The following MND1 variants were observed in gnomAD, a reference collection of about 807,000 sequenced individuals.
MND1 encodes the protein meiotic nuclear division protein 1 homolog.
In MND1, 28 loss-of-function variants were observed where a neutral mutation model predicts 35.1. The observed-to-expected ratio is 0.80, with a 90% CI of 0.59 to 1.09. MND1 has a LOEUF of 1.09. MND1 is among the 50% of genes least tolerant of loss of function. The pLI is 0.00. For missense variants in MND1, 213 were observed against 239.6 expected (o/e 0.89, Z 0.73); for synonymous variants, 69 against 70.5 (o/e 0.98, Z 0.11).
At chr4:153,345,385 C>G (rs1310933669) in intron 1 of MND1, 1 of 985,426 alleles carries the variant, frequency 1.0e-6, no homozygotes, top group Non-Finnish European at 1.2e-6. Flanking sequence ...CGGTTTCTGC[C>G]AAAGGGCAGG....
At chr4:153,355,859 T>C (rs1349644236) in intron 3 of MND1, 148 bp downstream of exon 3, 1 of 601,366 alleles carries the variant, frequency 1.7e-6, no homozygotes, top group East Asian at 2.8e-5. Flanking sequence ...ATCATCACCA[T>C]CCAAAGATAA....
chr4:153,360,692 T>C (rs1773463585), intron 4 of MND1, among the ~76,000 whole-genome samples: 1 of 122,834 alleles, frequency 8.1e-6, no homozygotes, highest in African/African-American at 2.8e-5. Context: ...AAATAAATAC[T>C]ATAAATATTT....
In MND1 at chr4:153,390,889, A is replaced by ATATGTGTGTGTGTG. The variant is rs757236550; in HGVS notation, c.277-3372_277-3371insATGTGTGTGTGTGT. On this transcript the variant is annotated intron_variant, in intron 4 of 7. Transcript: ENST00000240488. ...CCGTCTCAAAAAAAAAGGTATATAT[A>ATATGTGTGTGTGTG]TGTGTGTGTGTGTGTGTGTGTGTGT... Among the ~76,000 whole-genome samples the ATATGTGTGTGTGTG allele has an allele frequency of 6.8e-3, 956 of 139,796 alleles. 4 individuals carry two copies. Among genetic ancestry groups the ATATGTGTGTGTGTG allele is most frequent in the African/African-American group, 0.016 (600 of 38,196 alleles). 91.7% of individuals were successfully genotyped at this position (139,796 alleles called of 152,430 possible).
intron 2 of MND1, among the ~76,000 whole-genome samples, chr4:153,353,440 TA>T (rs1170848607): frequency 7.7e-6 from 1 of 130,244 alleles, no homozygotes; most frequent in East Asian, 2.1e-4. Context: ...TATATATATA[TA>T]TATATATTCA....
chr4:153,405,197 A>G (rs528469027), intron 6 of MND1, among the ~76,000 whole-genome samples: 1 of 152,180 alleles, frequency 6.6e-6, no homozygotes, highest in Non-Finnish European at 1.5e-5. Flanking sequence ...CTTGAAAAAG[A>G]ACAAAGTTAC....
intron 1 of MND1, among the ~76,000 whole-genome samples, chr4:153,347,804 G>T (rs528261521): frequency 4.6e-5 from 7 of 152,122 alleles, no homozygotes; most frequent in Non-Finnish European, 1.0e-4. Context: ...AGCATTCTTC[G>T]AGTAGATAAT....
intron 4 of MND1, among the ~76,000 whole-genome samples, chr4:153,371,231 C>T (rs1283073957): frequency 6.6e-6 from 1 of 152,012 alleles, no homozygotes; most frequent in Admixed American, 6.5e-5. Flanking sequence ...TAGAATAATT[C>T]TTAAGGGCCC....
chr4:153,358,142 T>A (rs1275297868), intron 3 of MND1, among the ~76,000 whole-genome samples: 4 of 152,338 alleles, frequency 2.6e-5, no homozygotes, highest in South Asian at 2.1e-4. Flanking sequence ...ATAGATTTTT[T>A]AAATTAGGCA....
chr4:153,364,388 G>C (rs1773572495), intron 4 of MND1, among the ~76,000 whole-genome samples: 1 of 151,892 alleles, frequency 6.6e-6, no homozygotes, highest in Admixed American at 6.6e-5. Context: ...ATAGTGGCAG[G>C]CTCCTGTGGT....
chr4:153,355,710 T>A lies in MND1; in HGVS notation c.126T>A (p.Ile42=). Residue 42 remains isoleucine, a splice_region_variant and synonymous_variant, in exon 3 of 8, where the codon ATT becomes ATA. Transcript: ENST00000240488. ...LEKIAPKEKG[I]TAMSVKEVLQ... ...AGATTGCTCCCAAAGAGAAAGGCAT[T>A]AGTAAGTACCAAAGTTATACTGGAA... The A allele has an allele frequency of 6.4e-7, 1 of 1,557,972 alleles. No individual in the cohort carries two copies. The highest frequency in any genetic ancestry group is 8.8e-7 in the Non-Finnish European group (1 of 1,131,714).
At chr4:153,406,111 T>C (rs1477545671) in intron 6 of MND1, among the ~76,000 whole-genome samples, 1 of 152,228 alleles carries the variant, frequency 6.6e-6, no homozygotes, top group Non-Finnish European at 1.5e-5. Context: ...GATTTATATT[T>C]CTTTATCCTT....
intron 7 of MND1, among the ~76,000 whole-genome samples, chr4:153,411,547 G>A (rs1171440447): frequency 6.6e-6 from 1 of 152,050 alleles, no homozygotes; most frequent in East Asian, 1.9e-4. Flanking sequence ...AGGCATTGTT[G>A]TGGAGAGGTT....
At chr4:153,382,104 G>C (rs2086639423) in intron 4 of MND1, 1 of 151,942 alleles carries the variant, frequency 6.6e-6, no homozygotes, top group Admixed American at 6.6e-5. Flanking sequence ...TCAAGGGCAT[G>C]GTTTAAACAT....
At chr4:153,367,650 G>C (rs763101820) in intron 4 of MND1, among the ~76,000 whole-genome samples, 10 of 152,092 alleles carry the variant, frequency 6.6e-5, no homozygotes, top group Admixed American at 2.6e-4. Context: ...TCTAAACTTT[G>C]ATGTACAAGT....
intron 4 of MND1, among the ~76,000 whole-genome samples, chr4:153,367,296 C>G (rs1773661604): frequency 6.6e-6 from 1 of 152,130 alleles, no homozygotes; most frequent in Non-Finnish European, 1.5e-5. Flanking sequence ...AGCTATTATT[C>G]TGAATCTTCT....
In MND1 at chr4:153,364,278, G is replaced by A. The variant is rs747274534; in HGVS notation, c.276+5656G>A. On this transcript the variant is annotated intron_variant, in intron 4 of 7. Coordinates refer to ENST00000240488, the MANE Select transcript of MND1 (RefSeq NM_032117.4). ...CATCTGTGGTCTCAGCTACTTGGGG[G>A]GCCTGAGGTGGGAGGATCACTTGAG... Among the ~76,000 whole-genome samples, 118 of 150,046 alleles carry A rather than the reference G, an allele frequency of 7.9e-4. 2 individuals carry two copies. The highest frequency in any genetic ancestry group is 1.7e-3 in the South Asian group (8 of 4,674).
chr4:153,350,823 A>G (rs1054494733), intron 2 of MND1, among the ~76,000 whole-genome samples: 4 of 152,316 alleles, frequency 2.6e-5, no homozygotes, highest in Middle Eastern at 3.4e-3. Flanking sequence ...GGCAGGACCT[A>G]CAAAGCCTAG....
rs1031094471 is a variant in MND1, at chr4:153,389,589, G to A, written c.277-4673G>A. 7.2e-5 allele frequency among the ~76,000 whole-genome samples: 11 copies of A among 152,116 alleles called. No homozygotes were observed. The South Asian group carries it at 2.3e-3, about 32-fold the overall frequency. On this transcript the variant is annotated intron_variant, in intron 4 of 7. Coordinates refer to ENST00000240488, the MANE Select transcript of MND1 (RefSeq NM_032117.4). The stretch of plus-strand genomic sequence containing the variant: ...TTGGTCAGGCTGGTCTCGAACACCT[G>A]ACCTCAAGTGATCCACCTGCCTTGG...
At chr4:153,352,791 A>G (rs969516762) in intron 2 of MND1, among the ~76,000 whole-genome samples, 4 of 150,156 alleles carry the variant, frequency 2.7e-5, no homozygotes, top group Non-Finnish European at 4.4e-5. Context: ...ATCTAGGATT[A>G]TATGTCTTCC....
Sources: gnomAD v4.1 joint callset for allele counts (sites outside exome capture counted in the v4.1 genomes callset) on GRCh38, gnomAD v4.1.1 for gene constraint, MANE v1.5 for transcripts, NCBI Gene and HGNC (gene_info 2026-07-23, HGNC 2026-07-21) for gene names.